The following TBC1D30 variants were observed in gnomAD, a reference collection of about 807,000 sequenced individuals.
TBC1D30 encodes the protein TBC1 domain family member 30.
In TBC1D30, 31 loss-of-function variants were observed where a neutral mutation model predicts 63.2. The ratio of observed to expected loss-of-function variants is 0.49; its 90% CI spans 0.37 to 0.66. TBC1D30 has a LOEUF of 0.66. TBC1D30 is among the 30% of genes least tolerant of loss of function. TBC1D30 has a pLI of 0.00. For missense variants in TBC1D30, 810 were observed against 953.6 expected (o/e 0.85, Z 1.98); for synonymous variants, 307 against 361.5 (o/e 0.85, Z 1.71).
At chr12:64,867,776 A>G (rs150019818) in intron 10 of TBC1D30, among the ~76,000 whole-genome samples, 73 of 152,284 alleles carry the variant, frequency 4.8e-4, no homozygotes, top group African/African-American at 1.7e-3. Context: ...CAAGAAACTT[A>G]TTATTTCACA....
In TBC1D30 at chr12:64,843,436, C is replaced by A; in HGVS notation, c.989C>A (p.Thr330Asn). 1 of 1,536,244 alleles carries A rather than the reference C, an allele frequency of 6.5e-7. No individual in the cohort carries two copies. The stretch of plus-strand genomic sequence containing the variant: ...TTCTACAGCACCATGGGGCGCCTTA[C>A]CCAGGAGATGCTAGAGAATGATCTT... ...DEFYSTMGRL[T>N]QEMLENDLLQ... The change falls in exon 8 of 12, where the codon ACC becomes AAC. Residue 330 changes from threonine (T) to asparagine (N), a missense_variant. By Grantham distance (65) the Thr-to-Asn change is moderately conservative. Transcript: ENST00000539867.
chr12:64,762,284 T>A (rs1870545802), intron 1 of TBC1D30, among the ~76,000 whole-genome samples: 1 of 152,210 alleles, frequency 6.6e-6, no homozygotes, highest in Non-Finnish European at 1.5e-5. Flanking sequence ...CAGATCCTAT[T>A]TTAAGGACTT....
chr12:64,784,443 T>C (rs148429701), intron 1 of TBC1D30, among the ~76,000 whole-genome samples: 49 of 152,008 alleles, frequency 3.2e-4, no homozygotes, highest in Non-Finnish European at 5.9e-4. Context: ...CTTTTGAGCA[T>C]TTATTTTCTT....
intron 4 of TBC1D30, among the ~76,000 whole-genome samples, chr12:64,831,791 T>C (rs2136372471): frequency 6.6e-6 from 1 of 152,314 alleles, no homozygotes; most frequent in African/African-American, 2.4e-5. Flanking sequence ...ACCTGAGAAA[T>C]ATTATTAAAA....
chr12:64,802,197 A>G (rs7132617), intron 2 of TBC1D30, among the ~76,000 whole-genome samples: 98,581 of 152,068 alleles, frequency 0.65, 32,254 homozygotes, highest in East Asian at 0.9. Flanking sequence ...TTTGCAGAAA[A>G]GGATATGCCA....
chr12:64,821,838 G>A (rs1242481976), upstream of TBC1D30, among the ~76,000 whole-genome samples: 3 of 152,196 alleles, frequency 2.0e-5, no homozygotes, highest in Non-Finnish European at 4.4e-5. Context: ...GCAAAAGGTT[G>A]GGAAATTTAA....
rs1357503563 is a variant in TBC1D30 at position 64,824,992 on chromosome 12, T to C, written c.113T>C (p.Ile38Thr). ...LSNVLKKRSC[I>T]SRTAPRLLCT... ...AATGTGCTCAAGAAGCGCAGCTGCA[T>C]TTCCCGGACCGCGCCCCGGCTGCTG... Residue 38 changes from isoleucine (I) to threonine (T), a missense_variant, in exon 1 of 12, where the codon ATT (isoleucine) becomes ACT (threonine). Coordinates refer to ENST00000539867, the MANE Select transcript of TBC1D30 (RefSeq NM_015279.2). 2 of 1,534,240 alleles carry C rather than the reference T, an allele frequency of 1.3e-6. No homozygotes were observed. The highest frequency in any genetic ancestry group is 2.7e-5 in the African/African-American group (2 of 72,948).
At chr12:64,794,747 TTC>T (rs966350026) in intron 2 of TBC1D30, among the ~76,000 whole-genome samples, 64 of 152,292 alleles carry the variant, frequency 4.2e-4, no homozygotes, top group African/African-American at 1.5e-3. Context: ...CTGTAACGTT[TTC>T]TCTCTTTCTC....
chr12:64,835,868 T>A (rs1875305269), intron 5 of TBC1D30, among the ~76,000 whole-genome samples: 1 of 152,186 alleles, frequency 6.6e-6, no homozygotes, highest in South Asian at 2.1e-4. Flanking sequence ...GTAATACAAG[T>A]AGAAAAATCA....
intron 2 of TBC1D30, among the ~76,000 whole-genome samples, chr12:64,808,573 T>C (rs1873021011): frequency 1.3e-5 from 2 of 152,218 alleles, no homozygotes; most frequent in South Asian, 4.1e-4. Context: ...GTATCTCTTA[T>C]TTTTATTGTG....
chr12:64,835,862 T>C (rs752676111), intron 5 of TBC1D30, among the ~76,000 whole-genome samples: 1 of 152,146 alleles, frequency 6.6e-6, no homozygotes, highest in Admixed American at 6.6e-5. Flanking sequence ...GGAAAGGTAA[T>C]ACAAGTAGAA....
intron 2 of TBC1D30, chr12:64,786,139 A>C: frequency 2.1e-6 from 2 of 965,144 alleles, no homozygotes; most frequent in Non-Finnish European, 2.8e-6. Flanking sequence ...TATATTGAGA[A>C]GTTTTAAATG....
chr12:64,866,918 C>T lies in TBC1D30; in HGVS notation c.1291+15C>T, dbSNP rs771141207. 1.7e-5 allele frequency: 26 copies of T among 1,535,462 alleles called. No individual in the cohort carries two copies. In the South Asian group the frequency reaches 2.5e-4, roughly 15 times the overall value. ...ACAAATTAAAGGTAAAGAGGTGGCT[C>T]TTGATTTAGATTATCATGATGTATT... On this transcript the variant is annotated intron_variant, in intron 10 of 11. Transcript: ENST00000539867.
rs1879130937 is a variant in TBC1D30, at chr12:64,876,928, T to C, written c.*1140T>C. ...CACAGAGGTGAAGTAGCACTTCAGT[T>C]ACTCAAGGTCAGTACTCTCGGTATT... On this transcript the variant is annotated 3_prime_UTR_variant, in exon 12 of 12. Coordinates refer to ENST00000539867, the MANE Select transcript of TBC1D30 (RefSeq NM_015279.2). The C allele has an allele frequency of 8.8e-6, 4 of 455,946 alleles. No individual in the cohort carries two copies. The highest frequency in any genetic ancestry group is 6.2e-5 in the South Asian group (4 of 64,544). The allele number at this position is 455,946 out of a possible 1,614,324, so 28.2% of individuals were successfully genotyped here. A position where few individuals can be genotyped will look rare whatever the true frequency, so the allele number is the denominator to read the frequency against.
rs945036087 is a variant in TBC1D30 at position 64,878,832 on chromosome 12, G to A, written c.*3044G>A. ...TGACCTGCCCAGCATTTGCAGACTC[G>A]CTGGTTCCTGAATATGAGTAAGCAC... On this transcript the variant is annotated 3_prime_UTR_variant, in exon 12 of 12. Transcript: ENST00000539867. 8.8e-5 allele frequency: 20 copies of A among 228,302 alleles called. No individual in the cohort carries two copies. The highest frequency in any genetic ancestry group is 5.5e-4 in the Admixed American group (11 of 19,888). The allele number at this position is 228,302 out of a possible 1,614,324, so 14.1% of individuals were successfully genotyped here.
chr12:64,838,647 G>A (rs1875577722), intron 6 of TBC1D30, 36 bp from the exon 7 acceptor site: 1 of 1,533,110 alleles, frequency 6.5e-7, no homozygotes. Context: ...CCAATCATCA[G>A]TTCTGAAGGA....
chr12:64,861,923 A>G (rs1022741276), intron 8 of TBC1D30, among the ~76,000 whole-genome samples: 1 of 152,176 alleles, frequency 6.6e-6, no homozygotes, highest in Non-Finnish European at 1.5e-5. Context: ...TTACAAGGGT[A>G]TGGATACTTG....
At chr12:64,823,202 C>G (rs1873994558), upstream of TBC1D30, among the ~76,000 whole-genome samples, 1 of 151,942 alleles carries the variant, frequency 6.6e-6, no homozygotes, top group Non-Finnish European at 1.5e-5. Context: ...TTGCTTTATC[C>G]TGTAGTGGAT....
chr12:64,790,873 A>G (rs1169388591), intron 2 of TBC1D30, among the ~76,000 whole-genome samples: 2 of 152,192 alleles, frequency 1.3e-5, no homozygotes, highest in Non-Finnish European at 2.9e-5. Context: ...TTCCACTAAA[A>G]GACAATTCTC....
Sources: allele counts gnomAD v4.1 joint callset (sites outside exome capture counted in the v4.1 genomes callset), GRCh38; gene constraint gnomAD v4.1.1; transcripts MANE v1.5; gene names NCBI Gene and HGNC (gene_info 2026-07-23, HGNC 2026-07-21).